Variants in WDR76 observed in about 807,000 individuals in gnomAD.
WDR76 encodes the protein WD repeat-containing protein 76.
In WDR76, 52 loss-of-function variants were observed where a neutral mutation model predicts 70.2. The observed-to-expected ratio is 0.74, with a 90% confidence interval of 0.59 to 0.93. The LOEUF (loss-of-function observed/expected upper bound fraction) is 0.93. Among genes scored for constraint, WDR76 ranks in the 40% least tolerant of loss-of-function variants. The pLI is 0.00. For missense variants in WDR76, 756 were observed against 760.2 expected (o/e 0.99, Z 0.07); for synonymous variants, 292 against 271.1 (o/e 1.08, Z -0.76).
chr15:43,827,931 C>A, intron 1 of WDR76, 34 bp from the exon 2 acceptor site: 1 of 1,550,994 alleles, frequency 6.4e-7, no homozygotes, highest in Non-Finnish European at 8.7e-7. Flanking sequence ...ACTTGGAGTT[C>A]TAATATTCTG....
chr15:43,835,123 CTT>C lies in WDR76; in HGVS notation c.530_531del (p.Phe177CysfsTer7). 6.2e-7 allele frequency: 1 copy of C among 1,613,996 alleles called. No homozygotes were observed. Among genetic ancestry groups the C allele is most frequent in the Non-Finnish European group, 8.5e-7 (1 of 1,179,982 alleles). Reference sequence around the variant, plus strand: ...TGAAGAACATATCAGAAAACGCAGACTTTTTTGCTTCTCTTCAGTTGTCTGAG... The same window carrying C: ...TGAAGAACATATCAGAAAACGCAGACTTTTGCTTCTCTTCAGTTGTCTGAG... ...RLKNISENAD[F>X]FASLQLSESA... On this transcript the variant is annotated frameshift_variant, in exon 3 of 13. Coordinates refer to ENST00000263795, the MANE Select transcript of WDR76 (RefSeq NM_024908.4). LOFTEE classifies it high-confidence loss of function.
At chr15:43,852,776 C>T (rs1051373631) in intron 9 of WDR76, among the ~76,000 whole-genome samples, 6 of 152,100 alleles carry the variant, frequency 3.9e-5, no homozygotes, top group Non-Finnish European at 1.5e-5. Flanking sequence ...ATGTTGTAGC[C>T]GTGTATCAGT....
chr15:43,836,704 T>C (rs1305624247), intron 4 of WDR76, among the ~76,000 whole-genome samples: 1 of 152,084 alleles, frequency 6.6e-6, no homozygotes, highest in East Asian at 1.9e-4. Context: ...GTAGGTAATA[T>C]ATTCATTTTG....
intron 4 of WDR76, 120 bp from the exon 5 acceptor site, chr15:43,839,485 A>G (rs1221996416): frequency 1.9e-6 from 2 of 1,042,844 alleles, no homozygotes; most frequent in Non-Finnish European, 2.7e-6. Flanking sequence ...ATGTATATAT[A>G]TATCTATGCA....
At position 43,866,582 on chromosome 15, in the gene WDR76, C is replaced by CGG; in HGVS notation, c.*193_*194dup. ...GTCTTGGAGGGTTGCTTCTGCAGGACGGGGAGGGAATTTGAGGGGAGGCTG... is the reference window on the plus strand; with the variant it reads ...GTCTTGGAGGGTTGCTTCTGCAGGACGGGGGGAGGGAATTTGAGGGGAGGCTG... On this transcript the variant is annotated 3_prime_UTR_variant, in exon 13 of 13. Coordinates refer to ENST00000263795, the MANE Select transcript of WDR76 (RefSeq NM_024908.4). The CGG allele has an allele frequency of 1.8e-6, 1 of 545,860 alleles. No individual in the cohort carries two copies. The highest frequency in any genetic ancestry group is 3.3e-5 in the South Asian group (1 of 29,970). 33.8% of individuals were successfully genotyped at this position (545,860 alleles called of 1,614,324 possible).
At chr15:43,843,299 G>A (rs528112793) in intron 7 of WDR76, among the ~76,000 whole-genome samples, 62 of 152,072 alleles carry the variant, frequency 4.1e-4, no homozygotes, top group Non-Finnish European at 1.5e-4. Flanking sequence ...GGGATTACAG[G>A]TGTGAGCCAG....
chr15:43,837,496 G>A (rs941577189), intron 4 of WDR76, among the ~76,000 whole-genome samples: 1 of 152,170 alleles, frequency 6.6e-6, no homozygotes, highest in African/African-American at 2.4e-5. Context: ...ATAGGCAGTA[G>A]CAAGTTGATA....
intron 12 of WDR76, among the ~76,000 whole-genome samples, chr15:43,862,697 A>T (rs2088017816): frequency 2.0e-5 from 3 of 150,736 alleles, no homozygotes; most frequent in Non-Finnish European, 3.0e-5. Context: ...TTTAGTAGAG[A>T]TGGGGTTTCA....
At chr15:43,841,789 A>G (rs1441740949) in intron 5 of WDR76, among the ~76,000 whole-genome samples, 1 of 152,228 alleles carries the variant, frequency 6.6e-6, no homozygotes, top group Non-Finnish European at 1.5e-5. Context: ...ATCTGAGTCA[A>G]TTCTCAGCTT....
Position 43,827,105 on chromosome 15 carries a change from C to T in WDR76, c.60+13C>T. The stretch of plus-strand genomic sequence containing the variant: ...ACCCCAGATGAAGGTGAGAAACGGA[C>T]TGGTGCTTCCAAGGTGTGCTCCTGC... On this transcript the variant is annotated intron_variant, in intron 1 of 12. Coordinates refer to ENST00000263795, the MANE Select transcript of WDR76 (RefSeq NM_024908.4). 6.3e-7 allele frequency: 1 copy of T among 1,597,434 alleles called. No individual in the cohort carries two copies. Among genetic ancestry groups the T allele is most frequent in the Non-Finnish European group, 8.5e-7 (1 of 1,175,042 alleles).
chr15:43,838,049 G>T (rs1207238935), intron 4 of WDR76, among the ~76,000 whole-genome samples: 3 of 151,450 alleles, frequency 2.0e-5, no homozygotes, highest in Admixed American at 6.6e-5. Flanking sequence ...CTAATTTTTT[G>T]GATTTTTAGT....
intron 12 of WDR76, among the ~76,000 whole-genome samples, chr15:43,862,536 T>C (rs1245688111): frequency 6.7e-6 from 1 of 149,772 alleles, no homozygotes; most frequent in African/African-American, 2.5e-5. Flanking sequence ...TGAGACAGAG[T>C]CTCACTCTGT....
rs2088098030 is a variant in WDR76 at position 43,868,278 on chromosome 15, G to A, written c.*1886G>A. On this transcript the variant is annotated 3_prime_UTR_variant, in exon 13 of 13. Coordinates refer to ENST00000263795, the MANE Select transcript of WDR76 (RefSeq NM_024908.4). ...AATCTCATGGGTTCTAGAGTGGTTA[G>A]TTCTACGGGAATTGTTTTTGTTTTT... 6.6e-6 allele frequency: 1 copy of A among 152,144 alleles called. No individual in the cohort carries two copies. 9.4% of individuals were successfully genotyped at this position (152,144 alleles called of 1,614,324 possible). A position where few individuals can be genotyped will look rare whatever the true frequency, so the allele number is the denominator to read the frequency against.
intron 5 of WDR76, 129 bp downstream of exon 5, chr15:43,839,857 GGTTTT>G: frequency 6.6e-6 from 8 of 1,203,166 alleles, no homozygotes; most frequent in Non-Finnish European, 8.9e-6. Flanking sequence ...AATGTTGTAT[GGTTTT>G]GTTTTGTTTT....
Position 43,839,639 on chromosome 15 carries a change from A to G in WDR76, c.643A>G (p.Arg215Gly). The change falls in exon 5 of 13, where the codon AGA (arginine) becomes GGA (glycine). Residue 215 changes from arginine to glycine, a missense_variant. Arg to Gly is a moderately radical substitution (Grantham distance 125). Transcript: ENST00000263795. Reference sequence around the variant, plus strand: ...TAAGAGAGAAAATGGGATTGGATGTAGAAGGTCAATGCGATTACTAAAAGT... The same window carrying G: ...TAAGAGAGAAAATGGGATTGGATGTGGAAGGTCAATGCGATTACTAAAAGT... Reference protein sequence around the residue: ...KPKRENGIGCRRSMRLLKVDP... With the variant: ...KPKRENGIGCGRSMRLLKVDP... 6.2e-7 allele frequency: 1 copy of G among 1,612,664 alleles called. No homozygotes were observed. The highest frequency in any genetic ancestry group is 8.5e-7 in the Non-Finnish European group (1 of 1,179,136).
intron 2 of WDR76, 143 bp from the exon 3 acceptor site, chr15:43,834,918 T>G: frequency 2.8e-6 from 2 of 710,624 alleles, no homozygotes; most frequent in Non-Finnish European, 4.6e-6. Context: ...AGCAAACGTC[T>G]GTTTTGGTAA....
Position 43,843,941 on chromosome 15 carries a change from A to T in WDR76, c.919A>T (p.Thr307Ser), listed in dbSNP as rs2087755844. 1 of 1,609,750 alleles carries T rather than the reference A, an allele frequency of 6.2e-7. No homozygotes were observed. Residue 307 changes from threonine (T) to serine (S), a missense_variant, in exon 8 of 13, where the codon ACC becomes TCC. Thr to Ser is a moderately conservative substitution (Grantham distance 58). Coordinates refer to ENST00000263795, the MANE Select transcript of WDR76 (RefSeq NM_024908.4). ...AAATGGCATGGTCATTAGTGAAGAT[A>T]CCGTTTACAAAGTTACCACAGGCCC... ...NLNGMVISED[T>S]VYKVTTGPIF...
At chr15:43,853,822 C>G (rs1272252133) in intron 9 of WDR76, among the ~76,000 whole-genome samples, 1 of 150,588 alleles carries the variant, frequency 6.6e-6, no homozygotes, top group African/African-American at 2.4e-5. Flanking sequence ...AGGAGAATCG[C>G]TTGAACCCGG....
At chr15:43,855,791 T>C (rs1405664423) in intron 9 of WDR76, among the ~76,000 whole-genome samples, 3 of 151,784 alleles carry the variant, frequency 2.0e-5, no homozygotes, top group South Asian at 2.1e-4. Context: ...GGAGATTGCA[T>C]TGAGCCGAGA....
Sources: allele counts gnomAD v4.1 joint callset (sites outside exome capture counted in the v4.1 genomes callset), GRCh38; gene constraint gnomAD v4.1.1; transcripts MANE v1.5; gene names NCBI Gene and HGNC (gene_info 2026-07-23, HGNC 2026-07-21).